The following KCTD1 variants were observed in gnomAD, a reference collection of about 807,000 sequenced individuals.
The protein encoded by KCTD1 is BTB/POZ domain-containing protein KCTD1.
A neutral mutation model predicts 66.0 loss-of-function variants in KCTD1; 24 were observed. The observed-to-expected ratio is 0.36, with a 90% CI of 0.26 to 0.51. The LOEUF (loss-of-function observed/expected upper bound fraction) is 0.51. Among genes scored for constraint, KCTD1 ranks in the 20% least tolerant of loss-of-function variants. KCTD1 has a pLI of 0.95. For missense variants in KCTD1, 943 were observed against 1,205.2 expected, an observed-to-expected ratio of 0.78 and a Z score of 3.22; for synonymous variants, 511 against 517.2, an observed-to-expected ratio of 0.99 and a Z score of 0.16.
intron 3 of KCTD1, among the ~76,000 whole-genome samples, chr18:26,471,653 C>A (rs1368148612): frequency 1.3e-5 from 2 of 152,128 alleles, no homozygotes; most frequent in Non-Finnish European, 2.9e-5. Flanking sequence ...AGAACCTTGA[C>A]TGTATCAGTG....
chr18:26,609,391 G>A (rs1453991492), intron 1 of KCTD1, among the ~76,000 whole-genome samples: 2 of 152,098 alleles, frequency 1.3e-5, no homozygotes, highest in Non-Finnish European at 2.9e-5. Flanking sequence ...TGCCACGCTG[G>A]GAATGAAGCA....
chr18:26,481,056 T>A (rs1981621971), intron 2 of KCTD1, among the ~76,000 whole-genome samples: 1 of 152,194 alleles, frequency 6.6e-6, no homozygotes, highest in African/African-American at 2.4e-5. Flanking sequence ...GTGACTCAGG[T>A]TCTTAAGAAT....
In KCTD1 at chr18:26,455,653, G is replaced by C; in HGVS notation, c.*90C>G. 1 of 1,549,772 alleles carries C rather than the reference G, an allele frequency of 6.5e-7. No homozygotes were observed. The highest frequency in any genetic ancestry group is 8.8e-7 in the Non-Finnish European group (1 of 1,131,492). On this transcript the variant is annotated 3_prime_UTR_variant, in exon 5 of 5. Transcript: ENST00000580059. ...TATTCGATTTTACGTCCAGGACTTG[G>C]TTTGCTGTCCCAACTGCACATAAAT...
At chr18:26,583,697 CAAT>C (rs2144928357) in intron 1 of KCTD1, among the ~76,000 whole-genome samples, 1 of 152,268 alleles carries the variant, frequency 6.6e-6, no homozygotes, top group South Asian at 2.1e-4. Context: ...AACAAAAATA[CAAT>C]GAGGTCACTA....
chr18:26,564,238 C>T (rs1459691102), intron 1 of KCTD1, among the ~76,000 whole-genome samples: 1 of 152,168 alleles, frequency 6.6e-6, no homozygotes, highest in Non-Finnish European at 1.5e-5. Flanking sequence ...TCACTGAGAT[C>T]AAGCAGTGCT....
At chr18:26,607,544 CAATA>C (rs1397473964) in intron 1 of KCTD1, among the ~76,000 whole-genome samples, 1 of 152,172 alleles carries the variant, frequency 6.6e-6, no homozygotes, top group African/African-American at 2.4e-5. Context: ...TTCTTCCAAA[CAATA>C]AATATAGTTT....
At chr18:26,473,442 T>C (rs1322707324) in intron 3 of KCTD1, among the ~76,000 whole-genome samples, 2 of 151,924 alleles carry the variant, frequency 1.3e-5, no homozygotes, top group Non-Finnish European at 1.5e-5. Context: ...TTAGGATAAA[T>C]AACTAATGCA....
Position 26,532,267 on chromosome 18 carries a change from T to TC in KCTD1, c.1809+14460_1809+14461insG, listed in dbSNP as rs1598922598. ...CTTTTTCTTTTCTTTCCTTCTTTTT[T>TC]TTTTTTTTTTTTTTTTTTTTGAGAC... On this transcript the variant is annotated intron_variant, in intron 1 of 4. Coordinates refer to ENST00000580059, the MANE Select transcript of KCTD1 (RefSeq NM_001142730.3). 1.5e-4 allele frequency among the ~76,000 whole-genome samples: 7 copies of TC among 46,474 alleles called. No individual in the cohort carries two copies. The East Asian group carries it at 6.2e-3, about 41-fold the overall frequency. 30.5% of individuals were successfully genotyped at this position (46,474 alleles called of 152,430 possible). A position where few individuals can be genotyped will look rare whatever the true frequency, so the allele number is the denominator to read the frequency against.
chr18:26,532,257 CCTT>C (rs1984474043), intron 1 of KCTD1, among the ~76,000 whole-genome samples: 1 of 128,194 alleles, frequency 7.8e-6, no homozygotes, highest in African/African-American at 3.4e-5. Flanking sequence ...TCTTTTCTTT[CCTT>C]CTTTTTTTTT....
At chr18:26,541,858 A>G (rs1984989749) in intron 1 of KCTD1, among the ~76,000 whole-genome samples, 1 of 152,154 alleles carries the variant, frequency 6.6e-6, no homozygotes, top group African/African-American at 2.4e-5. Flanking sequence ...TGTCATAAAG[A>G]CTCAAAACCA....
chr18:26,495,443 AT>A (rs1186149716), intron 2 of KCTD1, among the ~76,000 whole-genome samples: 1 of 152,130 alleles, frequency 6.6e-6, no homozygotes, highest in Non-Finnish European at 1.5e-5. Context: ...CAAAAGCTGG[AT>A]TGCTGCTGGC....
intron 1 of KCTD1, among the ~76,000 whole-genome samples, chr18:26,596,412 C>A (rs1418749416): frequency 6.6e-6 from 1 of 152,218 alleles, no homozygotes; most frequent in Non-Finnish European, 1.5e-5. Flanking sequence ...ACTTTCCATC[C>A]TCTAGAACTG....
At chr18:26,467,742 G>A (rs1228651727) in intron 3 of KCTD1, among the ~76,000 whole-genome samples, 1 of 151,816 alleles carries the variant, frequency 6.6e-6, no homozygotes, top group Admixed American at 6.6e-5. Context: ...TTGAACCCAG[G>A]AGGCGAAGGT....
Position 26,503,651 on chromosome 18 carries a change from A to G in KCTD1, c.1810-2401T>C, listed in dbSNP as rs373519630. ...GAAAATGAACAGATTTGCAGGGTTA[A>G]TATTGTCGTTAGACTGTGACCTCAT... On this transcript the variant is annotated intron_variant, in intron 1 of 4. Transcript: ENST00000580059. 3.3e-5 allele frequency among the ~76,000 whole-genome samples: 5 copies of G among 152,252 alleles called. No homozygotes were observed. The East Asian group carries it at 5.8e-4, about 18-fold the overall frequency.
At chr18:26,465,314 C>T (rs1295735816) in intron 3 of KCTD1, among the ~76,000 whole-genome samples, 5 of 152,272 alleles carry the variant, frequency 3.3e-5, no homozygotes, top group African/African-American at 1.2e-4. Flanking sequence ...GAACTCCCGA[C>T]CTCAGGTGAT....
intron 1 of KCTD1, among the ~76,000 whole-genome samples, chr18:26,504,745 A>G (rs2144693212): frequency 6.6e-6 from 1 of 152,308 alleles, no homozygotes; most frequent in South Asian, 2.1e-4. Context: ...GGGCACTTGT[A>G]TTAGACACTG....
rs34642580 is a variant in KCTD1 at position 26,582,271 on chromosome 18, TA to T, written c.-16+46875del. Among the ~76,000 whole-genome samples, 825 of 143,928 alleles carry T rather than the reference TA, an allele frequency of 5.7e-3. 21 individuals are homozygous for T. Among genetic ancestry groups the T allele is most frequent in the Admixed American group, 0.036 (525 of 14,528 alleles). The allele number at this position is 143,928 out of a possible 152,430, so 94.4% of individuals were successfully genotyped here. ...CTAGGTGACAGAGTGACACCCCGTC[TA>T]AAAAAAAAAAAAAAGTCAGCAAATA... is the stretch of plus-strand genomic sequence containing the variant. On this transcript the variant is annotated intron_variant, in intron 1 of 4. Coordinates refer to the KCTD1 transcript ENST00000317932.
rs375715575 is a variant in KCTD1, at chr18:26,459,509, CACTG to C, written c.2439+107_2439+110del. ...TAATTCACCTACCCAACAGAAGTGT[CACTG>C]AGTGAGTTTCTAAGCTCTTTGGAGG... On this transcript the variant is annotated intron_variant, in intron 4 of 4. Coordinates refer to ENST00000580059, the MANE Select transcript of KCTD1 (RefSeq NM_001142730.3). 216 of 1,019,582 alleles carry C rather than the reference CACTG, an allele frequency of 2.1e-4. No individual in the cohort carries two copies. The African/African-American group carries it at 3.1e-3, about 15-fold the overall frequency. 63.2% of individuals were successfully genotyped at this position (1,019,582 alleles called of 1,614,324 possible).
intron 1 of KCTD1, among the ~76,000 whole-genome samples, chr18:26,561,901 G>T (rs1364272788): frequency 2.0e-5 from 3 of 152,166 alleles, no homozygotes; most frequent in African/African-American, 7.2e-5. Context: ...GCCTGGGGCT[G>T]CTCTGTATCC....
Sources: allele counts gnomAD v4.1 joint callset (sites outside exome capture counted in the v4.1 genomes callset), GRCh38; gene constraint gnomAD v4.1.1; transcripts MANE v1.5; gene names NCBI Gene and HGNC (gene_info 2026-07-23, HGNC 2026-07-21).